Variants in SNX29 observed in about 807,000 individuals in gnomAD.
SNX29 encodes the protein sorting nexin-29.
SNX29 carries 78 observed loss-of-function variants against 102.1 expected under a neutral mutation model. The ratio of observed to expected loss-of-function variants is 0.76; its 90% CI spans 0.64 to 0.92. The LOEUF is 0.92. SNX29 is among the 40% of genes least tolerant of loss of function. The pLI is 0.00. For synonymous variants in SNX29, 580 were observed against 414.5 expected, an observed-to-expected ratio of 1.40 and a Z score of -4.85; for missense variants, 1,280 against 1,061.7, an observed-to-expected ratio of 1.21 and a Z score of -2.86.
At chr16:12,459,900 A>G (rs183837438) in intron 18 of SNX29, among the ~76,000 whole-genome samples, 1 of 152,312 alleles carries the variant, frequency 6.6e-6, no homozygotes, top group African/African-American at 2.4e-5. Context: ...AGAGTCTGTG[A>G]CTAAGAAGAT....
chr16:12,088,165 CT>C lies in SNX29; in HGVS notation c.1402+9251del, dbSNP rs1000178490. 4 of 455,596 alleles carry C rather than the reference CT, an allele frequency of 8.8e-6. No individual in the cohort carries two copies. In the Admixed American group the frequency reaches 9.4e-5, roughly 11 times the overall value. The allele number at this position is 455,596 out of a possible 1,614,324, so 28.2% of individuals were successfully genotyped here. Reference sequence around the variant, plus strand: ...CTCTGCAGCAGGCCTCACAGTGTCACTGTTTGGGCCAGGCAGAAAGCTAGAG... The same window carrying C: ...CTCTGCAGCAGGCCTCACAGTGTCACGTTTGGGCCAGGCAGAAAGCTAGAG... On this transcript the variant is annotated intron_variant, in intron 11 of 20. Coordinates refer to ENST00000566228, the MANE Select transcript of SNX29 (RefSeq NM_032167.5).
intron 13 of SNX29, among the ~76,000 whole-genome samples, chr16:12,154,548 C>A (rs1001049437): frequency 6.6e-6 from 1 of 152,158 alleles, no homozygotes; most frequent in Non-Finnish European, 1.5e-5. Context: ...TCTGGCATTT[C>A]CCCCGTCTCC....
intron 13 of SNX29, among the ~76,000 whole-genome samples, chr16:12,147,983 T>C (rs1281499899): frequency 6.6e-6 from 1 of 152,200 alleles, no homozygotes; most frequent in East Asian, 1.9e-4. Flanking sequence ...GAGAGACAAC[T>C]GTCAAGGCTA....
At chr16:12,547,781 C>G (rs535025334) in intron 20 of SNX29, among the ~76,000 whole-genome samples, 1 of 152,296 alleles carries the variant, frequency 6.6e-6, no homozygotes, top group East Asian at 1.9e-4. Context: ...ACTTGCCTGG[C>G]TACCGAACAG....
chr16:12,451,796 A>G (rs2151716963), intron 18 of SNX29, among the ~76,000 whole-genome samples: 1 of 152,218 alleles, frequency 6.6e-6, no homozygotes. Context: ...CCTGGAAGGC[A>G]GAAGTTGCAG....
intron 15 of SNX29, among the ~76,000 whole-genome samples, chr16:12,285,892 G>A (rs2079578846): frequency 6.6e-6 from 1 of 152,148 alleles, no homozygotes; most frequent in South Asian, 2.1e-4. Flanking sequence ...GTTTCACTCT[G>A]TTGCCCAGGC....
chr16:12,568,172 A>G (rs988614620), intron 20 of SNX29, among the ~76,000 whole-genome samples: 2 of 152,160 alleles, frequency 1.3e-5, no homozygotes, highest in Non-Finnish European at 2.9e-5. Context: ...TTGCTGGAAA[A>G]TCAAGGAAAA....
chr16:12,562,350 CTTTA>C (rs955463609), intron 20 of SNX29, among the ~76,000 whole-genome samples: 1 of 151,206 alleles, frequency 6.6e-6, no homozygotes, highest in Non-Finnish European at 1.5e-5. Context: ...TGATTTCCCC[CTTTA>C]TTTTTGCTTG....
chr16:11,983,935 A>T (rs1056811026), intron 1 of SNX29, among the ~76,000 whole-genome samples: 1 of 152,190 alleles, frequency 6.6e-6, no homozygotes, highest in Non-Finnish European at 1.5e-5. Flanking sequence ...ACTTACTTGG[A>T]TGTATAAAGC....
intron 16 of SNX29, among the ~76,000 whole-genome samples, chr16:12,396,902 C>A (rs1044504812): frequency 2.6e-5 from 4 of 152,176 alleles, no homozygotes; most frequent in African/African-American, 9.7e-5. Context: ...AATACAAATT[C>A]TCTTAACTTT....
At chr16:12,368,792 CAGG>C (rs967480651) in intron 16 of SNX29, among the ~76,000 whole-genome samples, 2 of 152,242 alleles carry the variant, frequency 1.3e-5, no homozygotes, top group African/African-American at 2.4e-5. Context: ...ACGTCACCTG[CAGG>C]AGAAGTGACA....
At chr16:12,507,233 C>G (rs550264323) in intron 19 of SNX29, among the ~76,000 whole-genome samples, 1 of 152,314 alleles carries the variant, frequency 6.6e-6, no homozygotes, top group South Asian at 2.1e-4. Context: ...TGGGTCCTTT[C>G]CCATCACATC....
chr16:12,360,205 G>A (rs569184556), intron 16 of SNX29, among the ~76,000 whole-genome samples: 2 of 152,308 alleles, frequency 1.3e-5, no homozygotes, highest in East Asian at 3.9e-4. Flanking sequence ...GCTCAAAAGA[G>A]TTTTCCATGT....
intron 11 of SNX29, among the ~76,000 whole-genome samples, chr16:12,095,829 C>T (rs549032668): frequency 1.3e-5 from 2 of 152,274 alleles, no homozygotes; most frequent in East Asian, 1.9e-4. Flanking sequence ...GCAGAGAGGG[C>T]AAGAAAAACA....
intron 18 of SNX29, among the ~76,000 whole-genome samples, chr16:12,475,166 T>C (rs2087532789): frequency 6.6e-6 from 1 of 152,204 alleles, no homozygotes; most frequent in Non-Finnish European, 1.5e-5. Flanking sequence ...GCACTGCTTG[T>C]CTGATGGGTG....
intron 8 of SNX29, among the ~76,000 whole-genome samples, chr16:12,058,804 T>TTTTG (rs2050637587): frequency 7.1e-6 from 1 of 140,536 alleles, no homozygotes; most frequent in Non-Finnish European, 1.6e-5. Flanking sequence ...TGGGTTTTTT[T>TTTTG]TTTTTTTTTT....
chr16:12,198,559 C>T (rs761733254), intron 13 of SNX29, among the ~76,000 whole-genome samples: 1 of 152,092 alleles, frequency 6.6e-6, no homozygotes, highest in African/African-American at 2.4e-5. Flanking sequence ...GACTCAAGAC[C>T]TGAGGTGTAG....
Position 12,261,631 on chromosome 16 carries a change from C to T in SNX29, c.1679-16302C>T, listed in dbSNP as rs547214147. On this transcript the variant is annotated intron_variant, in intron 14 of 20. Coordinates refer to ENST00000566228, the MANE Select transcript of SNX29 (RefSeq NM_032167.5). ...GAGCTCGGGTCTGTGCATGCGTCCC[C>T]GGCTGGAGTGAGTGGTTCCTGAGCT... 2.8e-3 allele frequency among the ~76,000 whole-genome samples: 351 copies of T among 126,104 alleles called. 3 individuals carry two copies. The highest frequency in any genetic ancestry group is 9.3e-3 in the African/African-American group (303 of 32,520). The allele number at this position is 126,104 out of a possible 152,430, so 82.7% of individuals were successfully genotyped here. A position where few individuals can be genotyped will look rare whatever the true frequency, so the allele number is the denominator to read the frequency against.
At chr16:12,469,657 C>T (rs1303064349) in intron 18 of SNX29, among the ~76,000 whole-genome samples, 4 of 152,168 alleles carry the variant, frequency 2.6e-5, no homozygotes, top group Non-Finnish European at 5.9e-5. Context: ...GCTGCTCACT[C>T]CTCGGGCAAT....
Sources: allele counts gnomAD v4.1 joint callset (sites outside exome capture counted in the v4.1 genomes callset), GRCh38; gene constraint gnomAD v4.1.1; transcripts MANE v1.5; gene names NCBI Gene and HGNC (gene_info 2026-07-23, HGNC 2026-07-21).